Variants in PTPRD observed in about 807,000 individuals in gnomAD.
The protein encoded by PTPRD is receptor-type tyrosine-protein phosphatase delta.
A neutral mutation model predicts 214.5 loss-of-function variants in PTPRD; 34 were observed. The ratio of observed to expected loss-of-function variants is 0.16; its 90% CI spans 0.12 to 0.21. The LOEUF is 0.21. Among genes scored for constraint, PTPRD ranks in the 10% least tolerant of loss-of-function variants. The pLI is 1.00. For synonymous variants in PTPRD, 1,128 were observed against 845.7 expected (o/e 1.33, Z -5.79); for missense variants, 2,545 against 2,398.7 (o/e 1.06, Z -1.27).
chr9:10,519,150 A>G (rs2051236960), intron 2 of PTPRD, among the ~76,000 whole-genome samples: 1 of 150,536 alleles, frequency 6.6e-6, no homozygotes, highest in Non-Finnish European at 1.5e-5. Context: ...TTGAGGACAA[A>G]ATGGCAATGT....
intron 7 of PTPRD, among the ~76,000 whole-genome samples, chr9:9,692,270 T>C (rs1027880022): frequency 6.6e-6 from 1 of 152,020 alleles, no homozygotes; most frequent in African/African-American, 2.4e-5. Flanking sequence ...CTTAGATTTA[T>C]GTCTGTAATC....
chr9:9,275,174 A>ATATATGTTATATATATATATAT (rs1491381199), intron 9 of PTPRD, among the ~76,000 whole-genome samples: 25 of 28,954 alleles, frequency 8.6e-4, no homozygotes, highest in African/African-American at 4.1e-3. Flanking sequence ...ACATATATAT[A>ATATATGTTATATATATATATAT]ATATATATGT....
chr9:8,940,401 G>C lies in PTPRD; in HGVS notation c.-104+78296C>G, dbSNP rs575631246. ...GGGTTCAAGTGATTCTCCTGCCTCA[G>C]CCTCCCGAGAAGCTGGGATTACAGG... On this transcript the variant is annotated intron_variant, in intron 11 of 45. Transcript: ENST00000381196. Among the ~76,000 whole-genome samples the C allele has an allele frequency of 4.3e-3, 615 of 143,872 alleles. 2 individuals are homozygous for C. The highest frequency in any genetic ancestry group is 0.015 in the African/African-American group (597 of 39,092). 94.4% of individuals were successfully genotyped at this position (143,872 alleles called of 152,430 possible).
chr9:8,775,424 C>G (rs907989354), intron 11 of PTPRD, among the ~76,000 whole-genome samples: 2 of 152,072 alleles, frequency 1.3e-5, no homozygotes, highest in African/African-American at 4.8e-5. Context: ...GAACTCTCTG[C>G]ATAATATGTA....
At chr9:9,270,317 T>C (rs943276623) in intron 9 of PTPRD, among the ~76,000 whole-genome samples, 1 of 150,992 alleles carries the variant, frequency 6.6e-6, no homozygotes, top group South Asian at 2.1e-4. Flanking sequence ...TAAAGAGAAA[T>C]AAGGGAAAAG....
At chr9:10,533,021 C>T (rs1435302690) in intron 2 of PTPRD, among the ~76,000 whole-genome samples, 1 of 152,012 alleles carries the variant, frequency 6.6e-6, no homozygotes, top group Admixed American at 6.6e-5. Context: ...TAGATTAATG[C>T]CCTCTAATGC....
chr9:9,013,112 C>A (rs571006517), intron 11 of PTPRD, among the ~76,000 whole-genome samples: 1 of 151,968 alleles, frequency 6.6e-6, no homozygotes, highest in Admixed American at 6.6e-5. Context: ...AGCACCAATG[C>A]TATTTGAAAA....
rs539975513 is a variant in PTPRD, at chr9:9,584,047, G to A, written c.-286-9266C>T. Among the ~76,000 whole-genome samples the A allele has an allele frequency of 2.6e-5, 4 of 152,014 alleles. No homozygotes were observed. In the South Asian group the frequency reaches 6.2e-4, roughly 24 times the overall value. ...ACTCAAATGCACATAAAAATCACCT[G>A]GATTTTTGTTGAAATACAGATTCTG... On this transcript the variant is annotated intron_variant, in intron 7 of 45. Transcript: ENST00000381196.
chr9:9,376,674 A>T (rs139855796), intron 9 of PTPRD, among the ~76,000 whole-genome samples: 114 of 152,286 alleles, frequency 7.5e-4, no homozygotes, highest in Middle Eastern at 3.4e-3. Flanking sequence ...AAAAGGAAAA[A>T]AACATTAATA....
chr9:8,551,548 G>A (rs912248095), intron 14 of PTPRD, among the ~76,000 whole-genome samples: 5 of 152,150 alleles, frequency 3.3e-5, no homozygotes, highest in Non-Finnish European at 7.3e-5. Flanking sequence ...TAACAAGGAT[G>A]CAAGAGTGAT....
At chr9:9,125,427 G>GACTTTCTTTCTTCCC (rs1286765639) in intron 10 of PTPRD, among the ~76,000 whole-genome samples, 2 of 152,104 alleles carry the variant, frequency 1.3e-5, no homozygotes, top group Non-Finnish European at 2.9e-5. Flanking sequence ...GTTGCAGTTT[G>GACTTTCTTTCTTCCC]ACTTTCTTTC....
chr9:8,840,918 T>C (rs2097545628), intron 11 of PTPRD, among the ~76,000 whole-genome samples: 1 of 152,218 alleles, frequency 6.6e-6, no homozygotes, highest in African/African-American at 2.4e-5. Flanking sequence ...AAGGGACTTC[T>C]ATCAACAAAG....
intron 7 of PTPRD, among the ~76,000 whole-genome samples, chr9:9,667,061 A>G (rs1459497507): frequency 1.3e-5 from 2 of 152,090 alleles, no homozygotes; most frequent in African/African-American, 4.8e-5. Context: ...TTTGTTAGCC[A>G]GTCTTTAAGG....
chr9:9,510,058 C>T (rs2154242821), intron 8 of PTPRD, among the ~76,000 whole-genome samples: 1 of 151,712 alleles, frequency 6.6e-6, no homozygotes, highest in Non-Finnish European at 1.5e-5. Context: ...ATTGCTACAT[C>T]TCATCCATGT....
At chr9:10,518,972 A>C (rs192114074) in intron 2 of PTPRD, among the ~76,000 whole-genome samples, 39 of 152,096 alleles carry the variant, frequency 2.6e-4, no homozygotes, top group Admixed American at 4.6e-4. Context: ...TTCTGGGTAG[A>C]TTATTTTTTT....
intron 2 of PTPRD, among the ~76,000 whole-genome samples, chr9:10,453,250 G>T (rs1157973283): frequency 6.6e-6 from 1 of 151,414 alleles, no homozygotes; most frequent in Non-Finnish European, 1.5e-5. Flanking sequence ...ATCAGGTAAT[G>T]TGATGTCTCC....
intron 11 of PTPRD, among the ~76,000 whole-genome samples, chr9:8,808,844 T>C (rs1345740101): frequency 2.6e-5 from 4 of 152,082 alleles, no homozygotes; most frequent in Non-Finnish European, 4.4e-5. Context: ...TCCCGAAATA[T>C]ACATTTTCAA....
chr9:8,795,816 A>G (rs1346524007), intron 11 of PTPRD, among the ~76,000 whole-genome samples: 1 of 152,224 alleles, frequency 6.6e-6, no homozygotes, highest in African/African-American at 2.4e-5. Context: ...TATGTAACAT[A>G]TAAGATCTAG....
intron 3 of PTPRD, among the ~76,000 whole-genome samples, chr9:10,060,396 C>T (rs1032600834): frequency 2.0e-5 from 3 of 152,036 alleles, no homozygotes; most frequent in African/African-American, 7.2e-5. Context: ...TAACACAACG[C>T]TTTCTACCTA....
Sources: allele counts gnomAD v4.1 joint callset (sites outside exome capture counted in the v4.1 genomes callset), GRCh38; gene constraint gnomAD v4.1.1; transcripts MANE v1.5; gene names NCBI Gene and HGNC (gene_info 2026-07-23, HGNC 2026-07-21).